The following LARGE1 variants were observed in gnomAD, a reference collection of about 807,000 sequenced individuals.
LARGE1 encodes LARGE xylosyl- and glucuronyltransferase 1.
In LARGE1, 43 loss-of-function variants were observed where a neutral mutation model predicts 87.6. That is an observed-to-expected ratio of 0.49 (90% CI 0.38 to 0.63). The LOEUF is 0.63. LARGE1 is among the 30% of genes least tolerant of loss of function. LARGE1 has a pLI of 0.00. For missense variants in LARGE1, 802 were observed against 1,000.2 expected (o/e 0.80, Z 2.67); for synonymous variants, 434 against 394.6 (o/e 1.10, Z -1.18).
intron 1 of LARGE1, among the ~76,000 whole-genome samples, chr22:33,877,166 T>C (rs2146722925): frequency 1.3e-5 from 2 of 152,246 alleles, no homozygotes; most frequent in Middle Eastern, 3.4e-3. Flanking sequence ...GAAAGTCCCT[T>C]TTTAAAAAAA....
chr22:33,212,647 C>T (rs1168586638), intron 11 of LARGE1, among the ~76,000 whole-genome samples: 1 of 152,178 alleles, frequency 6.6e-6, no homozygotes. Flanking sequence ...CTGCCATAGA[C>T]AGTGATTCCT....
At chr22:33,843,747 G>A (rs1204637877) in intron 1 of LARGE1, among the ~76,000 whole-genome samples, 1 of 152,042 alleles carries the variant, frequency 6.6e-6, no homozygotes, top group African/African-American at 2.4e-5. Context: ...CAAAATGGCC[G>A]TAAGAGAATA....
At chr22:33,870,132 A>G (rs192325451) in intron 1 of LARGE1, among the ~76,000 whole-genome samples, 1 of 152,312 alleles carries the variant, frequency 6.6e-6, no homozygotes, top group Non-Finnish European at 1.5e-5. Context: ...TGGTGTCTTT[A>G]TAACATGATG....
At chr22:33,354,809 G>A (rs1319778797) in intron 9 of LARGE1, among the ~76,000 whole-genome samples, 1 of 152,092 alleles carries the variant, frequency 6.6e-6, no homozygotes, top group Non-Finnish European at 1.5e-5. Context: ...TTAAATTCTA[G>A]TATTTGTATA....
chr22:33,774,812 C>T (rs2085183408), intron 1 of LARGE1, among the ~76,000 whole-genome samples: 1 of 152,186 alleles, frequency 6.6e-6, no homozygotes, highest in Non-Finnish European at 1.5e-5. Context: ...GACAGCACAT[C>T]TCAGTTTGAA....
intron 12 of LARGE1, among the ~76,000 whole-genome samples, chr22:33,302,740 CCCCAGCGCAG>C (rs1934337235): frequency 6.6e-6 from 1 of 152,080 alleles, no homozygotes; most frequent in Admixed American, 6.5e-5. Flanking sequence ...CAAACAGAAA[CCCCAGCGCAG>C]CCCAACAACG....
chr22:33,258,228 C>T lies in LARGE1; in HGVS notation c.1730+46001G>A, dbSNP rs186420503. 8.9e-4 allele frequency among the ~76,000 whole-genome samples: 135 copies of T among 152,280 alleles called. 2 individuals carry two copies. The highest frequency in any genetic ancestry group is 3.1e-3 in the African/African-American group (127 of 41,548). ...GTATTTTTTAGTAGAGATGGGGTTT[C>T]ACCATGTTGGCCAGTCTGGTCTTGA... is the stretch of plus-strand genomic sequence containing the variant. On this transcript the variant is annotated intron_variant, in intron 11 of 11. Transcript: ENST00000608642.
intron 11 of LARGE1, among the ~76,000 whole-genome samples, chr22:33,192,613 A>G (rs566908047): frequency 1.3e-5 from 2 of 152,248 alleles, no homozygotes; most frequent in African/African-American, 4.8e-5. Context: ...CTTCCATTCC[A>G]TGGGTTGTCT....
chr22:33,876,589 T>G lies in LARGE1; in HGVS notation c.-83+43406A>C, dbSNP rs5999127. Among the ~76,000 whole-genome samples the G allele has an allele frequency of 7.2e-3, 1,092 of 150,890 alleles. 14 individuals carry two copies. Among genetic ancestry groups the G allele is most frequent in the African/African-American group, 0.025 (1,015 of 41,022 alleles). ...CATTGTTCTCACTCACAAGTGGGAG[T>G]TGAACAATGAGAATGCATGGACACA... On this transcript the variant is annotated intron_variant, in intron 1 of 14. Transcript: ENST00000397394.
chr22:33,743,266 G>A (rs2145553935), intron 2 of LARGE1: 1 of 152,276 alleles, frequency 6.6e-6, no homozygotes, highest in African/African-American at 2.4e-5. Context: ...AGCAACGCAA[G>A]AATGGCTTAA....
chr22:33,814,724 ATGTGTGTGTGTG>A, intron 1 of LARGE1, among the ~76,000 whole-genome samples: 1 of 150,586 alleles, frequency 6.6e-6, no homozygotes, highest in South Asian at 2.1e-4. Flanking sequence ...ATCAAGGTAT[ATGTGTGTGTGTG>A]TGTGTGTGTG....
chr22:33,901,183 G>A (rs2065273298), intron 1 of LARGE1, among the ~76,000 whole-genome samples: 1 of 152,146 alleles, frequency 6.6e-6, no homozygotes, highest in Non-Finnish European at 1.5e-5. Context: ...GGAATTGCCA[G>A]CAATCACCAG....
At chr22:33,353,906 G>A (rs1363789914) in intron 9 of LARGE1, among the ~76,000 whole-genome samples, 1 of 152,186 alleles carries the variant, frequency 6.6e-6, no homozygotes, top group Non-Finnish European at 1.5e-5. Context: ...AGGCACAAGC[G>A]CTGCTAGATG....
the LARGE1 span, among the ~76,000 whole-genome samples, chr22:33,120,119 AT>A: frequency 5.3e-5 from 8 of 152,078 alleles, no homozygotes; most frequent in South Asian, 2.1e-4. Context: ...AAAAAAGTAT[AT>A]TTTTTATATA....
At chr22:33,083,145 A>G in the LARGE1 span, among the ~76,000 whole-genome samples, 2 of 152,234 alleles carry the variant, frequency 1.3e-5, no homozygotes, top group African/African-American at 2.4e-5. Flanking sequence ...GGGGAAATTA[A>G]GGCTTAGAGA....
chr22:33,580,088 C>T (rs541956599), intron 5 of LARGE1, among the ~76,000 whole-genome samples: 45 of 152,224 alleles, frequency 3.0e-4, no homozygotes, highest in Admixed American at 5.2e-4. Context: ...AGACACAAGG[C>T]GGCCGGGCGC....
intron 1 of LARGE1, among the ~76,000 whole-genome samples, chr22:33,865,288 T>C (rs1343828988): frequency 6.6e-6 from 1 of 152,220 alleles, no homozygotes; most frequent in Admixed American, 6.5e-5. Context: ...AGACTGCAGA[T>C]AATTTCAGCC....
Position 33,381,769 on chromosome 22 carries a change from C to G in LARGE1, c.1131+150G>C, listed in dbSNP as rs986709949. The stretch of plus-strand genomic sequence containing the variant: ...TAAGGGTGGAAAAAAACCAACACCC[C>G]ACAAAGATGAAAAGCATACTCATTC... On this transcript the variant is annotated intron_variant, in intron 9 of 14. Coordinates refer to ENST00000397394, the MANE Select transcript of LARGE1 (RefSeq NM_133642.5). The G allele has an allele frequency of 1.3e-5, 14 of 1,108,202 alleles. No individual in the cohort carries two copies. The Admixed American group carries it at 1.9e-4, about 15-fold the overall frequency. 68.6% of individuals were successfully genotyped at this position (1,108,202 alleles called of 1,614,324 possible). A position where few individuals can be genotyped will look rare whatever the true frequency, so the allele number is the denominator to read the frequency against.
chr22:33,875,040 T>A (rs2064420613), intron 1 of LARGE1, among the ~76,000 whole-genome samples: 1 of 152,194 alleles, frequency 6.6e-6, no homozygotes, highest in East Asian at 1.9e-4. Flanking sequence ...CACCACTCCA[T>A]CTATGAGGTT....
Sources: gnomAD v4.1 joint callset for allele counts (sites outside exome capture counted in the v4.1 genomes callset) on GRCh38, gnomAD v4.1.1 for gene constraint, MANE v1.5 for transcripts, NCBI Gene and HGNC (gene_info 2026-07-23, HGNC 2026-07-21) for gene names.